The following POLR3C variants were observed in gnomAD, a reference collection of about 807,000 sequenced individuals.
POLR3C encodes DNA-directed RNA polymerase III subunit RPC3.
A neutral mutation model predicts 65.9 loss-of-function variants in POLR3C; 44 were observed. That is an observed-to-expected ratio of 0.67 (90% CI 0.52 to 0.86). The LOEUF (loss-of-function observed/expected upper bound fraction) is 0.86, where lower values mean the gene tolerates loss of function less well. POLR3C is among the 40% of genes least tolerant of loss of function. The probability of loss-of-function intolerance (pLI) is 0.00; values close to 1 mark genes in which losing one functional copy is unlikely to be tolerated. For missense variants in POLR3C, 576 were observed against 653.2 expected (o/e 0.88, Z 1.29); for synonymous variants, 263 against 231.6 (o/e 1.14, Z -1.23).
intron 8 of POLR3C, 45 bp downstream of exon 8, chr1:145,836,619 G>T: frequency 8.2e-7 from 1 of 1,226,302 alleles, no homozygotes; most frequent in South Asian, 1.2e-5. Context: ...AGCCTGTACT[G>T]TTGATAATTT....
rs782755383 is a variant in POLR3C, at chr1:145,843,787, A to T, written c.*1367A>T. On this transcript the variant is annotated 3_prime_UTR_variant, in exon 15 of 15. Coordinates refer to ENST00000334163, the MANE Select transcript of POLR3C (RefSeq NM_006468.8). ...GATGCTTTATTTGCAAACTATCTTA[A>T]CAAGGGATTCGTAACCAGAATATAT... Among the ~76,000 whole-genome samples the T allele has an allele frequency of 6.6e-5, 10 of 152,322 alleles. No homozygotes were observed. The South Asian group carries it at 1.0e-3, about 16-fold the overall frequency.
At chr1:145,831,514 CAAAAAA>C (rs57887653) in intron 5 of POLR3C, among the ~76,000 whole-genome samples, 2 of 92,742 alleles carry the variant, frequency 2.2e-5, no homozygotes, top group Non-Finnish European at 4.3e-5. Flanking sequence ...AACTCCATCT[CAAAAAA>C]AAAAAAAAAA....
intron 7 of POLR3C, among the ~76,000 whole-genome samples, chr1:145,834,750 A>T (rs1651658817): frequency 6.6e-6 from 1 of 152,190 alleles, no homozygotes; most frequent in Admixed American, 6.5e-5. Context: ...CTCCAGTATA[A>T]TATGGGACCA....
In POLR3C at chr1:145,828,758, A is replaced by C; in HGVS notation, c.599A>C (p.Lys200Thr). The C allele has an allele frequency of 6.2e-7, 1 of 1,605,434 alleles. No individual in the cohort carries two copies. Among genetic ancestry groups the C allele is most frequent in the Non-Finnish European group, 8.5e-7 (1 of 1,172,118 alleles). Residue 200 changes from lysine to threonine, a missense_variant, in exon 5 of 15, where the codon AAA becomes ACA. Transcript: ENST00000334163. Reference protein sequence around the residue: ...VPKLSLIGKGKRRRSSDEDAA... With the variant: ...VPKLSLIGKGTRRRSSDEDAA... The stretch of plus-strand genomic sequence containing the variant: ...ATTGTTTGTTTGGCAGGGAAAGGTA[A>C]AAGGAGGAGATCATCTGATGAAGAT...
chr1:145,835,308 G>A (rs1553728291), intron 7 of POLR3C, among the ~76,000 whole-genome samples: 2 of 151,722 alleles, frequency 1.3e-5, no homozygotes, highest in African/African-American at 4.8e-5. Context: ...AGCCAGGCAT[G>A]GTGATGGGCG....
chr1:145,831,593 C>G (rs782123403), intron 5 of POLR3C, among the ~76,000 whole-genome samples: 25 of 150,908 alleles, frequency 1.7e-4, no homozygotes, highest in Non-Finnish European at 2.8e-4. Context: ...GCCTGGAGAG[C>G]AGATAAAATT....
intron 2 of POLR3C, 116 bp from the exon 3 acceptor site, chr1:145,826,338 A>G (rs1650741488): frequency 1.3e-6 from 1 of 796,830 alleles, no homozygotes. Context: ...AAATAAGTGC[A>G]GAAATTATCT....
At chr1:145,828,995 A>G (rs1324618106) in intron 5 of POLR3C, among the ~76,000 whole-genome samples, 158 bp downstream of exon 5, 2 of 152,184 alleles carry the variant, frequency 1.3e-5, no homozygotes, top group African/African-American at 2.4e-5. Flanking sequence ...AGAATGAACC[A>G]TTACTGTCTC....
intron 4 of POLR3C, 23 bp from the exon 5 acceptor site, chr1:145,828,722 CTAAG>C (rs1651005878): frequency 1.4e-6 from 2 of 1,426,502 alleles, no homozygotes. Context: ...GAGATATAGT[CTAAG>C]TGTTTAATTG....
At chr1:145,833,642 T>C in intron 7 of POLR3C, 60 bp downstream of exon 7, 1 of 1,099,434 alleles carries the variant, frequency 9.1e-7, no homozygotes, top group Non-Finnish European at 1.4e-6. Context: ...TCAACGTTTA[T>C]TATACACAGA....
At position 145,833,501 on chromosome 1, in the gene POLR3C, G is replaced by C. The variant is rs1250486386; in HGVS notation, c.795G>C (p.Glu265Asp). The change falls in exon 7 of 15, where the codon GAG (glutamate) becomes GAC (aspartate). Residue 265 changes from glutamate (E) to aspartate (D), a missense_variant. Physicochemically the swap from Glu to Asp is conservative, Grantham distance 45. Transcript: ENST00000334163. Reference protein sequence around the residue: ...VANRMDQTSSEIVRTMLRMSE... With the variant: ...VANRMDQTSSDIVRTMLRMSE... ...TACTTTTCAAACAGACAAGCAGCGA[G>C]ATTGTGCGAACCATGCTCCGAATGA... 6.2e-7 allele frequency: 1 copy of C among 1,613,248 alleles called. No homozygotes were observed.
chr1:145,839,630 G>T, intron 11 of POLR3C: 1 of 357,594 alleles, frequency 2.8e-6, no homozygotes, highest in Non-Finnish European at 5.1e-6. Flanking sequence ...CTACTTGGGG[G>T]ACTGAGGTGG....
At chr1:145,837,701 T>C (rs142831238) in intron 10 of POLR3C, 105 bp downstream of exon 10, 122 of 807,610 alleles carry the variant, frequency 1.5e-4, no homozygotes, top group Non-Finnish European at 2.5e-4. Flanking sequence ...TGGCATACTT[T>C]TCCCCATTTT....
rs1454973822 is a variant in POLR3C, at chr1:145,824,317, C to T, written c.-73C>T. ...CAGCGGGAGCCGTAGGAAGCCGTCG[C>T]GGGAAGCTCAGCCGAATTGGAGTTG... On this transcript the variant is annotated 5_prime_UTR_variant, in exon 1 of 15. Transcript: ENST00000334163. 9.6e-6 allele frequency: 3 copies of T among 312,340 alleles called. No homozygotes were observed. Among genetic ancestry groups the T allele is most frequent in the African/African-American group, 2.2e-5 (1 of 44,484 alleles). The allele number at this position is 312,340 out of a possible 1,614,324, so 19.3% of individuals were successfully genotyped here. A position where few individuals can be genotyped will look rare whatever the true frequency, so the allele number is the denominator to read the frequency against.
intron 4 of POLR3C, among the ~76,000 whole-genome samples, chr1:145,827,207 A>G (rs1319796721): frequency 4.6e-5 from 7 of 152,238 alleles, no homozygotes; most frequent in African/African-American, 1.7e-4. Context: ...ACATCGATAT[A>G]TCATTAAACG....
rs1652002346 is a variant in POLR3C, at chr1:145,838,149, A to G, written c.1164A>G (p.Ala388=). 1.2e-6 allele frequency: 2 copies of G among 1,613,708 alleles called. No homozygotes were observed. The highest frequency in any genetic ancestry group is 2.7e-5 in the African/African-American group (2 of 74,944). The change falls in exon 11 of 15, where the codon GCA becomes GCG. Residue 388 remains alanine (A), a synonymous_variant. Coordinates refer to ENST00000334163, the MANE Select transcript of POLR3C (RefSeq NM_006468.8). ...KQVEDFAMIP[A]KEAKDMLYKM... is the part of the protein sequence containing the mutation. ...TGGAAGACTTTGCAATGATTCCTGC[A>G]AAGGAGGCAAAGGATATGCTATATA...
At chr1:145,838,240 G>C in intron 11 of POLR3C, 34 bp downstream of exon 11, 2 of 1,592,396 alleles carry the variant, frequency 1.3e-6, no homozygotes, top group African/African-American at 1.3e-5. Flanking sequence ...TTGCCAACCA[G>C]CAAAGCTGGC....
chr1:145,824,668 TTAAC>T (rs1650549866), intron 1 of POLR3C: 2 of 490,570 alleles, frequency 4.1e-6, no homozygotes, highest in African/African-American at 2.0e-5. Flanking sequence ...AATCATAAAA[TTAAC>T]TACGTCCGTT....
intron 5 of POLR3C, 49 bp from the exon 6 acceptor site, chr1:145,833,211 C>A: frequency 9.2e-7 from 1 of 1,089,630 alleles, no homozygotes; most frequent in Non-Finnish European, 1.4e-6. Flanking sequence ...AGCTCCTCAC[C>A]AGAAAACTTT....
Sources: gnomAD v4.1 joint callset for allele counts (sites outside exome capture counted in the v4.1 genomes callset) on GRCh38, gnomAD v4.1.1 for gene constraint, MANE v1.5 for transcripts, NCBI Gene and HGNC (gene_info 2026-07-23, HGNC 2026-07-21) for gene names.